Variants in NKAIN2 observed in about 807,000 individuals in gnomAD.
NKAIN2 encodes the protein sodium/potassium-transporting ATPase subunit beta-1-interacting protein 2.
Under a neutral mutation model 32.6 loss-of-function variants are expected in NKAIN2, and 14 were observed. That is an observed-to-expected ratio of 0.43 (90% CI 0.28 to 0.67). NKAIN2 has a LOEUF of 0.67. Among genes scored for constraint, NKAIN2 ranks in the 30% least tolerant of loss-of-function variants. The pLI, the probability that NKAIN2 is intolerant of heterozygous loss-of-function variation, is 0.17. For missense variants in NKAIN2, 198 were observed against 258.3 expected (o/e 0.77, Z 1.60); for synonymous variants, 80 against 87.2 (o/e 0.92, Z 0.46).
intron 1 of NKAIN2, among the ~76,000 whole-genome samples, chr6:123,883,968 T>G (rs1244723192): frequency 6.6e-6 from 1 of 151,624 alleles, no homozygotes; most frequent in Non-Finnish European, 1.5e-5. Context: ...ATTTTTAACT[T>G]TTATTTTAAG....
intron 1 of NKAIN2, among the ~76,000 whole-genome samples, chr6:124,069,349 G>T (rs1343384553): frequency 6.6e-6 from 1 of 152,136 alleles, no homozygotes; most frequent in Non-Finnish European, 1.5e-5. Context: ...GATTTCAGGA[G>T]AATGCTGAGT....
chr6:124,004,658 C>A (rs551962882), intron 1 of NKAIN2, among the ~76,000 whole-genome samples: 217 of 151,550 alleles, frequency 1.4e-3, no homozygotes, highest in African/African-American at 5.0e-3. Flanking sequence ...GGGAATTGAA[C>A]AATGAGAACA....
At chr6:124,057,713 A>C (rs1782726464) in intron 1 of NKAIN2, among the ~76,000 whole-genome samples, 1 of 151,982 alleles carries the variant, frequency 6.6e-6, no homozygotes, top group Non-Finnish European at 1.5e-5. Context: ...AATGCTTTAA[A>C]ACCATGAAGA....
chr6:124,709,990 A>C (rs1775349378), intron 4 of NKAIN2, among the ~76,000 whole-genome samples: 1 of 151,664 alleles, frequency 6.6e-6, no homozygotes, highest in African/African-American at 2.4e-5. Context: ...TTCCCTCTAC[A>C]CACTGCTTCA....
intron 3 of NKAIN2, among the ~76,000 whole-genome samples, chr6:124,402,226 A>T (rs2114460058): frequency 6.6e-6 from 1 of 152,284 alleles, no homozygotes. Context: ...TGGACCTAAA[A>T]GATTTATTGA....
At chr6:124,236,316 C>G (rs553712667) in intron 1 of NKAIN2, among the ~76,000 whole-genome samples, 1 of 152,008 alleles carries the variant, frequency 6.6e-6, no homozygotes, top group Non-Finnish European at 1.5e-5. Context: ...AATGCAATGA[C>G]AATGGAACAT....
chr6:124,580,005 C>T (rs981771264), intron 3 of NKAIN2, among the ~76,000 whole-genome samples: 2 of 152,094 alleles, frequency 1.3e-5, no homozygotes, highest in Non-Finnish European at 2.9e-5. Context: ...TTCAAACACT[C>T]AACAGAAATA....
At chr6:124,527,225 T>C (rs962473080) in intron 3 of NKAIN2, among the ~76,000 whole-genome samples, 1 of 152,138 alleles carries the variant, frequency 6.6e-6, no homozygotes, top group Non-Finnish European at 1.5e-5. Flanking sequence ...CACAAAGATA[T>C]ATATACTCCG....
chr6:124,179,223 CCTATGGCT>C (rs1789314594), intron 1 of NKAIN2, among the ~76,000 whole-genome samples: 1 of 152,142 alleles, frequency 6.6e-6, no homozygotes, highest in Non-Finnish European at 1.5e-5. Context: ...TCAGTGAAGA[CCTATGGCT>C]CACAGAGCTG....
intron 1 of NKAIN2, among the ~76,000 whole-genome samples, chr6:124,108,573 A>G (rs1183325844): frequency 6.6e-6 from 1 of 151,958 alleles, no homozygotes; most frequent in African/African-American, 2.4e-5. Context: ...TTTAGTGTTT[A>G]ATGTCTGTGT....
chr6:124,643,648 G>A lies in NKAIN2; in HGVS notation c.274-14538G>A, dbSNP rs191375738. ...GGTAAGGTGATTTACATATGGTATAGGAATTATTAATATTTGTGTAACTAA... is the reference window on the plus strand; with the variant it reads ...GGTAAGGTGATTTACATATGGTATAAGAATTATTAATATTTGTGTAACTAA... On this transcript the variant is annotated intron_variant, in intron 3 of 6. Transcript: ENST00000368417. Among the ~76,000 whole-genome samples the A allele has an allele frequency of 6.6e-5, 10 of 152,254 alleles. No homozygotes were observed. The East Asian group carries it at 1.2e-3, about 18-fold the overall frequency.
At chr6:124,062,932 C>T (rs968497907) in intron 1 of NKAIN2, among the ~76,000 whole-genome samples, 7 of 152,078 alleles carry the variant, frequency 4.6e-5, no homozygotes, top group African/African-American at 9.7e-5. Context: ...CGGTGGCTCA[C>T]GCCTGTAATC....
chr6:123,987,114 G>A (rs1415336503), intron 1 of NKAIN2, among the ~76,000 whole-genome samples: 1 of 152,142 alleles, frequency 6.6e-6, no homozygotes, highest in Non-Finnish European at 1.5e-5. Context: ...TAAGAAATGT[G>A]CACAGTATAC....
chr6:124,769,716 C>G (rs1053219033), intron 4 of NKAIN2, among the ~76,000 whole-genome samples: 1 of 152,180 alleles, frequency 6.6e-6, no homozygotes, highest in African/African-American at 2.4e-5. Context: ...GAAATGCATT[C>G]ACGACATTTG....
chr6:123,976,312 CATAT>C (rs1379603157), intron 1 of NKAIN2, among the ~76,000 whole-genome samples: 3,322 of 32,584 alleles, frequency 0.1, 628 homozygotes, highest in African/African-American at 0.19. Context: ...TATATGTTTC[CATAT>C]ATATATATGT....
intron 4 of NKAIN2, among the ~76,000 whole-genome samples, chr6:124,774,583 C>T (rs1469500980): frequency 2.6e-5 from 4 of 152,050 alleles, no homozygotes; most frequent in South Asian, 2.1e-4. Flanking sequence ...TGGCTGGGCA[C>T]GGTGGCTCAC....
intron 3 of NKAIN2, among the ~76,000 whole-genome samples, chr6:124,507,985 G>C (rs1477646357): frequency 1.3e-5 from 2 of 151,994 alleles, no homozygotes; most frequent in Non-Finnish European, 2.9e-5. Context: ...AGGCACAATA[G>C]CTTACGCCTG....
At chr6:124,018,645 C>G (rs1401030872) in intron 1 of NKAIN2, among the ~76,000 whole-genome samples, 1 of 152,160 alleles carries the variant, frequency 6.6e-6, no homozygotes, top group African/African-American at 2.4e-5. Context: ...GCACCAGTTC[C>G]CAACAAGTTC....
intron 1 of NKAIN2, among the ~76,000 whole-genome samples, chr6:123,827,560 C>T (rs150302355): frequency 0.012 from 1,883 of 152,122 alleles, 24 homozygotes; most frequent in South Asian, 0.035. Context: ...ATTATTACTT[C>T]GCACATCAAA....
Sources: gnomAD v4.1 joint callset for allele counts (sites outside exome capture counted in the v4.1 genomes callset) on GRCh38, gnomAD v4.1.1 for gene constraint, MANE v1.5 for transcripts, NCBI Gene and HGNC (gene_info 2026-07-23, HGNC 2026-07-21) for gene names.